Variants in CAPG observed in about 807,000 individuals in gnomAD.
CAPG encodes capping actin protein, gelsolin like, also known as macrophage-capping protein.
A neutral mutation model predicts 44.6 loss-of-function variants in CAPG; 32 were observed. The ratio of observed to expected loss-of-function variants is 0.72; its 90% confidence interval spans 0.54 to 0.96. The LOEUF (loss-of-function observed/expected upper bound fraction) is 0.96, where lower values mean the gene tolerates loss of function less well. Ranked by LOEUF, CAPG falls within the 50% of genes least tolerant of loss-of-function variation. The pLI, the probability that CAPG is intolerant of heterozygous loss-of-function variation, is 0.00. For synonymous variants in CAPG, 175 were observed against 179.6 expected (o/e 0.97, Z 0.20); for missense variants, 412 against 438.3 (o/e 0.94, Z 0.54).
At chr2:85,391,650 T>A (rs1033777577), downstream of CAPG, 1 of 152,758 alleles carries the variant, frequency 6.5e-6, no homozygotes, top group African/African-American at 2.4e-5. Flanking sequence ...TGGGGCTTCC[T>A]CCTGTAGATG....
intron 1 of CAPG, among the ~76,000 whole-genome samples, chr2:85,415,459 T>A (rs1687532973): frequency 6.6e-6 from 1 of 152,214 alleles, no homozygotes; most frequent in Admixed American, 6.5e-5. Context: ...TACATTTAAA[T>A]CAGTTTTGAC....
At chr2:85,393,910 T>C (rs1686475737), downstream of CAPG, among the ~76,000 whole-genome samples, 1 of 152,202 alleles carries the variant, frequency 6.6e-6, no homozygotes, top group African/African-American at 2.4e-5. Flanking sequence ...AAGTTCAACT[T>C]GCCAATTGAT....
chr2:85,401,399 G>A, intron 4 of CAPG, 70 bp from the exon 5 acceptor site: 5 of 1,580,618 alleles, frequency 3.2e-6, no homozygotes, highest in Non-Finnish European at 4.3e-6. Flanking sequence ...CATCCCACTG[G>A]AAGACGGGCA....
At chr2:85,412,887 A>G (rs1377853841), upstream of CAPG, among the ~76,000 whole-genome samples, 1 of 152,198 alleles carries the variant, frequency 6.6e-6, no homozygotes, top group Non-Finnish European at 1.5e-5. Context: ...ACGTGCATAC[A>G]GTTAAATGTG....
At chr2:85,408,664 G>C (rs1266587567) in intron 1 of CAPG, 1 of 152,202 alleles carries the variant, frequency 6.6e-6, no homozygotes, top group African/African-American at 2.4e-5. Flanking sequence ...CAGAGACAAA[G>C]AATAGCCCAT....
intron 1 of CAPG, among the ~76,000 whole-genome samples, chr2:85,416,546 T>G (rs937027254): frequency 2.0e-5 from 3 of 152,178 alleles, no homozygotes; most frequent in African/African-American, 7.2e-5. Context: ...AGTCTCACTC[T>G]TGTCGCCCAA....
At chr2:85,396,921 A>G (rs2104786279) in intron 8 of CAPG, among the ~76,000 whole-genome samples, 1 of 152,058 alleles carries the variant, frequency 6.6e-6, no homozygotes, top group East Asian at 1.9e-4. Context: ...ACCTTGGTTG[A>G]CCCCACAACT....
rs777686518 is a variant in CAPG, at chr2:85,395,548, G to C, written c.971C>G (p.Pro324Arg). ...TGCGCATCTCCTCACCTGAGTGTTCGGGGCGTACTGCATGCGCGAGATGAA... is the reference window on the plus strand; with the variant it reads ...TGCGCATCTCCTCACCTGAGTGTTCCGGGCGTACTGCATGCGCGAGATGAA... ...EGFISRMQYA[P>R]NTQVEILPQG... The change falls in exon 9 of 10, where the codon CCG becomes CGG. Residue 324 changes from proline (P) to arginine (R), a missense_variant. By Grantham distance (103) the Pro-to-Arg change is moderately radical. Coordinates refer to ENST00000263867, the MANE Select transcript of CAPG (RefSeq NM_001747.4). The surrounding 1 kb of genome is among the most constrained non-coding windows in gnomAD (Gnocchi z 4.3). 6.2e-7 allele frequency: 1 copy of C among 1,613,338 alleles called. No homozygotes were observed. The highest frequency in any genetic ancestry group is 1.3e-5 in the African/African-American group (1 of 75,018).
chr2:85,418,187 C>G lies in CAPG; in HGVS notation c.-14+80G>C, dbSNP rs141044740. 987 of 152,378 alleles carry G rather than the reference C, an allele frequency of 6.5e-3. 8 individuals carry two copies. The highest frequency in any genetic ancestry group is 0.01 in the Non-Finnish European group (697 of 68,070). 9.4% of individuals were successfully genotyped at this position (152,378 alleles called of 1,614,324 possible). A position where few individuals can be genotyped will look rare whatever the true frequency, so the allele number is the denominator to read the frequency against. ...CCCAGCCTTGCCTGCCAGGCCTGGG[C>G]TGGGTCTCCCAGCCCAAATTCTCAC... On this transcript the variant is annotated intron_variant, in intron 1 of 5. Coordinates refer to the CAPG transcript ENST00000409275.
downstream of CAPG, chr2:85,391,854 G>GGTGGGTTCCAGCCTGGTC (rs1686381669): frequency 6.6e-6 from 1 of 152,586 alleles, no homozygotes; most frequent in South Asian, 2.1e-4. Flanking sequence ...TGAAGGCATA[G>GGTGGGTTCCAGCCTGGTC]GTGGGTTCCA....
At chr2:85,401,133 T>C (rs1184881598) in intron 5 of CAPG, 32 bp downstream of exon 5, 5 of 1,605,994 alleles carry the variant, frequency 3.1e-6, no homozygotes. Flanking sequence ...ATGGTGCCAA[T>C]ACGGAGTGCT....
At chr2:85,418,070 T>C (rs1023075501) in intron 1 of CAPG, among the ~76,000 whole-genome samples, 46 of 152,082 alleles carry the variant, frequency 3.0e-4, no homozygotes, top group Non-Finnish European at 6.6e-4. Context: ...GCCTGTAAGG[T>C]AACTAGCGCT....
At chr2:85,419,399 G>GC (rs1262295639), upstream of CAPG, among the ~76,000 whole-genome samples, 15 of 152,210 alleles carry the variant, frequency 9.9e-5, no homozygotes, top group Admixed American at 9.8e-4. Flanking sequence ...GCTACAGAAG[G>GC]GACTTACCCA....
chr2:85,407,221 C>T (rs146004511), intron 1 of CAPG, among the ~76,000 whole-genome samples: 37 of 152,210 alleles, frequency 2.4e-4, no homozygotes, highest in South Asian at 4.1e-4. Context: ...TGAGGCACTG[C>T]GCCTGGGCCA....
At chr2:85,396,152 G>A (rs1686585399) in intron 8 of CAPG, 1 of 153,398 alleles carries the variant, frequency 6.5e-6, no homozygotes, top group Non-Finnish European at 1.5e-5. Context: ...TCTGCTAGCA[G>A]TCCTGAGAAC....
intron 1 of CAPG, among the ~76,000 whole-genome samples, chr2:85,403,597 A>C (rs1319177862): frequency 6.6e-6 from 1 of 152,228 alleles, no homozygotes; most frequent in African/African-American, 2.4e-5. Flanking sequence ...TACAAAAATT[A>C]ACACAATTTG....
upstream of CAPG, among the ~76,000 whole-genome samples, chr2:85,414,829 G>A (rs566624641): frequency 6.6e-6 from 1 of 152,320 alleles, no homozygotes; most frequent in Non-Finnish European, 1.5e-5. Flanking sequence ...ATCTGCACCA[G>A]GAGGCCAGGC....
At chr2:85,397,965 T>C in intron 8 of CAPG, 55 bp downstream of exon 8, 1 of 1,576,326 alleles carries the variant, frequency 6.3e-7, no homozygotes. Context: ...AAGGGAAGCC[T>C]GCCCGGGTCA....
chr2:85,412,484 G>A (rs1687445281), upstream of CAPG, among the ~76,000 whole-genome samples: 1 of 152,170 alleles, frequency 6.6e-6, no homozygotes, highest in Non-Finnish European at 1.5e-5. Flanking sequence ...TTGCACTCCA[G>A]CCTGGGTGAC....
Sources: allele counts gnomAD v4.1 joint callset (sites outside exome capture counted in the v4.1 genomes callset), GRCh38; gene constraint gnomAD v4.1.1; non-coding constraint Gnocchi (gnomAD v3.1); transcripts MANE v1.5; gene names NCBI Gene and HGNC (gene_info 2026-07-23, HGNC 2026-07-21).